Variants in TMEM132D observed in about 807,000 individuals in gnomAD.
TMEM132D encodes the protein transmembrane protein 132D.
Under a neutral mutation model 62.3 loss-of-function variants are expected in TMEM132D, and 21 were observed. The observed-to-expected ratio is 0.34, with a 90% CI of 0.24 to 0.49. TMEM132D has a LOEUF of 0.49. TMEM132D is among the 20% of genes least tolerant of loss of function. TMEM132D has a pLI of 0.99. For missense variants in TMEM132D, 1,346 were observed against 1,402.8 expected (o/e 0.96, Z 0.65); for synonymous variants, 621 against 575.6 (o/e 1.08, Z -1.13).
At chr12:129,769,427 C>A (rs1234337210) in intron 1 of TMEM132D, among the ~76,000 whole-genome samples, 1 of 152,146 alleles carries the variant, frequency 6.6e-6, no homozygotes, top group East Asian at 1.9e-4. Flanking sequence ...ATGGGAAAAA[C>A]CTGCCCCCAT....
intron 2 of TMEM132D, among the ~76,000 whole-genome samples, chr12:129,548,194 G>T (rs1001956926): frequency 2.0e-5 from 3 of 152,090 alleles, no homozygotes; most frequent in Non-Finnish European, 4.4e-5. Context: ...TGGGGTTCCC[G>T]CCTATATCCC....
intron 1 of TMEM132D, among the ~76,000 whole-genome samples, chr12:129,886,809 T>A (rs1334556699): frequency 6.6e-6 from 1 of 152,098 alleles, no homozygotes; most frequent in Admixed American, 6.6e-5. Context: ...ATGAGGGTGG[T>A]TACCCCCATG....
rs776511959 is a variant in TMEM132D at position 129,074,880 on chromosome 12, G to A, written c.2295C>T (p.Thr765=). The A allele has an allele frequency of 6.2e-7, 1 of 1,613,900 alleles. No homozygotes were observed. Among genetic ancestry groups the A allele is most frequent in the Non-Finnish European group, 8.5e-7 (1 of 1,180,008 alleles). ...IIAAETEGQG[T]LVKVEMVISE... is the part of the protein sequence containing the mutation. ...TAATAACCATTTCCACCTTGACCAG[G>A]GTGCCTTGTCCTTCTGTTTCCGCAG... Residue 765 remains threonine (T), a synonymous_variant, in exon 9 of 9, where the codon ACC becomes ACT. Transcript: ENST00000422113.
chr12:129,166,276 G>A (rs1004438084), intron 5 of TMEM132D, among the ~76,000 whole-genome samples: 5 of 152,168 alleles, frequency 3.3e-5, no homozygotes. Context: ...TGGGGATGGG[G>A]GACTGTGGGA....
At chr12:129,677,148 T>C (rs1190745882) in intron 2 of TMEM132D, among the ~76,000 whole-genome samples, 1 of 152,200 alleles carries the variant, frequency 6.6e-6, no homozygotes, top group African/African-American at 2.4e-5. Context: ...AAATCTCATC[T>C]TGAATTGTAA....
At chr12:129,560,426 C>A (rs1036299956) in intron 2 of TMEM132D, among the ~76,000 whole-genome samples, 2 of 151,974 alleles carry the variant, frequency 1.3e-5, no homozygotes, top group African/African-American at 4.8e-5. Flanking sequence ...ACCACTACCA[C>A]CCAGCTAATT....
chr12:129,864,518 G>A (rs1038504167), intron 1 of TMEM132D, among the ~76,000 whole-genome samples: 6 of 152,150 alleles, frequency 3.9e-5, no homozygotes, highest in African/African-American at 1.4e-4. Context: ...AAAAAGATAA[G>A]GTGTTTTTCC....
chr12:129,702,951 C>T (rs1009793397), intron 1 of TMEM132D, among the ~76,000 whole-genome samples: 3 of 152,138 alleles, frequency 2.0e-5, no homozygotes, highest in Non-Finnish European at 4.4e-5. Flanking sequence ...TTAAGAGCTC[C>T]GTGTAATCCT....
intron 1 of TMEM132D, among the ~76,000 whole-genome samples, chr12:129,879,147 GAAAT>G (rs760930417): frequency 3.3e-5 from 5 of 152,170 alleles, no homozygotes; most frequent in Non-Finnish European, 7.3e-5. Context: ...CTCCACTGGG[GAAAT>G]AAATGTCATA....
chr12:129,888,759 G>C (rs191143819), intron 1 of TMEM132D, among the ~76,000 whole-genome samples: 21 of 152,168 alleles, frequency 1.4e-4, no homozygotes, highest in African/African-American at 5.1e-4. Flanking sequence ...TTAACCACCC[G>C]GTACCCACTA....
intron 3 of TMEM132D, among the ~76,000 whole-genome samples, chr12:129,350,843 A>G (rs1359042540): frequency 6.6e-6 from 1 of 152,192 alleles, no homozygotes; most frequent in East Asian, 1.9e-4. Flanking sequence ...ATAAAGAGAC[A>G]AGAAGGCACC....
intron 2 of TMEM132D, among the ~76,000 whole-genome samples, chr12:129,606,280 C>T (rs1048677837): frequency 1.4e-4 from 21 of 152,160 alleles, no homozygotes; most frequent in Middle Eastern, 3.4e-3. Flanking sequence ...AATTGTTGAT[C>T]GAGCCGGTCC....
chr12:129,854,406 C>G (rs1453693876), intron 1 of TMEM132D, among the ~76,000 whole-genome samples: 2 of 152,204 alleles, frequency 1.3e-5, no homozygotes, highest in African/African-American at 4.8e-5. Context: ...GAACTCGGCA[C>G]ACAGTCAATG....
chr12:129,542,893 T>C (rs751975904), intron 2 of TMEM132D, among the ~76,000 whole-genome samples: 34 of 152,026 alleles, frequency 2.2e-4, no homozygotes, highest in Admixed American at 4.6e-4. Flanking sequence ...CAGTTACCTA[T>C]AGTTTTAGAA....
chr12:129,078,012 CATCTCCATGAA>C (rs1874335312), intron 8 of TMEM132D, among the ~76,000 whole-genome samples: 1 of 152,234 alleles, frequency 6.6e-6, no homozygotes, highest in Non-Finnish European at 1.5e-5. Context: ...TTGTGACTGA[CATCTCCATGAA>C]TTCTCTGTTT....
intron 5 of TMEM132D, among the ~76,000 whole-genome samples, chr12:129,126,521 A>G (rs1259243857): frequency 6.6e-6 from 1 of 152,032 alleles, no homozygotes; most frequent in Non-Finnish European, 1.5e-5. Context: ...ATATACACTA[A>G]CCCACTCATG....
At chr12:129,807,241 C>T (rs1593169733) in intron 1 of TMEM132D, among the ~76,000 whole-genome samples, 1 of 152,172 alleles carries the variant, frequency 6.6e-6, no homozygotes, top group Admixed American at 6.5e-5. Flanking sequence ...ACAAGCCTGT[C>T]CCCAGGGAGC....
At chr12:129,829,826 C>T (rs1413427106) in intron 1 of TMEM132D, among the ~76,000 whole-genome samples, 1 of 152,142 alleles carries the variant, frequency 6.6e-6, no homozygotes, top group African/African-American at 2.4e-5. Flanking sequence ...ATAAGGGTGT[C>T]TTTTCTGAGA....
chr12:129,340,961 T>C (rs1317076541), intron 3 of TMEM132D, among the ~76,000 whole-genome samples: 1 of 152,232 alleles, frequency 6.6e-6, no homozygotes, highest in African/African-American at 2.4e-5. Context: ...ATAGTTCATC[T>C]ACAGTACGAT....
Sources: allele counts gnomAD v4.1 joint callset (sites outside exome capture counted in the v4.1 genomes callset), GRCh38; gene constraint gnomAD v4.1.1; transcripts MANE v1.5; gene names NCBI Gene and HGNC (gene_info 2026-07-23, HGNC 2026-07-21).